Variants in NTM observed in about 807,000 individuals in gnomAD.
The protein encoded by NTM is neurotrimin.
NTM carries 13 observed loss-of-function variants against 42.1 expected under a neutral mutation model. The ratio of observed to expected loss-of-function variants is 0.31; its 90% CI spans 0.20 to 0.49. The LOEUF is 0.49. Among genes scored for constraint, NTM ranks in the 20% least tolerant of loss-of-function variants. The probability of loss-of-function intolerance (pLI) is 0.99; values close to 1 mark genes in which losing one functional copy is unlikely to be tolerated. For missense variants in NTM, 373 were observed against 452.8 expected, an observed-to-expected ratio of 0.82 and a Z score of 1.60; for synonymous variants, 187 against 179.2, an observed-to-expected ratio of 1.04 and a Z score of -0.35.
intron 3 of NTM, among the ~76,000 whole-genome samples, chr11:132,169,320 CTTTTTTTTTTTTTT>C (rs567723794): frequency 6.5e-4 from 21 of 32,358 alleles, no homozygotes; most frequent in South Asian, 2.2e-3. Flanking sequence ...AATTTTTTTA[CTTTTTTTTTTTTTT>C]TTTTTTTTTT....
At chr11:131,681,247 G>T (rs564395106) in intron 1 of NTM, among the ~76,000 whole-genome samples, 1 of 51,556 alleles carries the variant, frequency 1.9e-5, no homozygotes, top group African/African-American at 5.2e-5. Flanking sequence ...GTATGTGAGC[G>T]TGTGTTTCTG....
intron 4 of NTM, among the ~76,000 whole-genome samples, chr11:132,241,949 T>A (rs77205374): frequency 6.6e-6 from 1 of 152,134 alleles, no homozygotes; most frequent in Admixed American, 6.5e-5. Context: ...GTGTGCTGTG[T>A]TTTCTCTCCC....
intron 1 of NTM, among the ~76,000 whole-genome samples, chr11:131,444,203 C>CAAAAAAAA (rs71475757): frequency 3.0e-4 from 15 of 49,508 alleles, no homozygotes; most frequent in Non-Finnish European, 3.3e-4. Flanking sequence ...AGGTTAGAAC[C>CAAAAAAAA]AAAAAAAAAA....
At chr11:132,243,468 G>A (rs1370898584) in intron 4 of NTM, among the ~76,000 whole-genome samples, 1 of 152,164 alleles carries the variant, frequency 6.6e-6, no homozygotes. Flanking sequence ...AATTCTCTGT[G>A]GGGCTGGCCT....
At chr11:132,044,086 G>GTATGTGTGTATGTA (rs71067354) in intron 2 of NTM, among the ~76,000 whole-genome samples, 54 of 145,016 alleles carry the variant, frequency 3.7e-4, no homozygotes, top group African/African-American at 5.9e-4. Flanking sequence ...GTGTTTGTGT[G>GTATGTGTGTATGTA]TATGTGTGTA....
chr11:132,208,823 T>C (rs2082381311), intron 3 of NTM, among the ~76,000 whole-genome samples: 1 of 152,218 alleles, frequency 6.6e-6, no homozygotes, highest in Non-Finnish European at 1.5e-5. Flanking sequence ...TTTTTTATTT[T>C]ATTGCATGGC....
chr11:131,893,144 A>G (rs550327243), intron 1 of NTM, among the ~76,000 whole-genome samples: 38 of 152,328 alleles, frequency 2.5e-4, no homozygotes, highest in African/African-American at 8.7e-4. Flanking sequence ...GTTGGGTATT[A>G]GGGCTAGAAT....
rs372688389 is a variant in NTM, at chr11:131,520,935, C to T, written c.82+150047C>T. Among the ~76,000 whole-genome samples the T allele has an allele frequency of 2.8e-4, 43 of 152,118 alleles. 1 individual carries two copies. Among genetic ancestry groups the T allele is most frequent in the African/African-American group, 7.0e-4 (29 of 41,510 alleles). On this transcript the variant is annotated intron_variant, in intron 1 of 8. Transcript: ENST00000683400. Reference sequence around the variant, plus strand: ...AGAGCATGGCATCAGCATTGGCTTCCGTTGAGGTCTCAGGAAGCTTCCGAT... The same window carrying T: ...AGAGCATGGCATCAGCATTGGCTTCTGTTGAGGTCTCAGGAAGCTTCCGAT...
intron 1 of NTM, among the ~76,000 whole-genome samples, chr11:131,739,337 G>A (rs2080885140): frequency 6.6e-6 from 1 of 152,086 alleles, no homozygotes; most frequent in South Asian, 2.1e-4. Context: ...TCACGTATGA[G>A]TATTATAAGT....
At chr11:132,184,057 A>G (rs148111571) in intron 3 of NTM, among the ~76,000 whole-genome samples, 25 of 152,256 alleles carry the variant, frequency 1.6e-4, no homozygotes, top group African/African-American at 6.0e-4. Context: ...ACAAACTGGA[A>G]ACGATGAAAG....
chr11:131,586,822 G>A lies in NTM; in HGVS notation c.82+215934G>A, dbSNP rs1381349140. 2.0e-5 allele frequency among the ~76,000 whole-genome samples: 3 copies of A among 152,280 alleles called. No homozygotes were observed. The South Asian group carries it at 6.2e-4, about 32-fold the overall frequency. ...GAAAATGGACAAGCTTCAGCATGAA[G>A]AGACTGCTTTTTAAGTGTTTTCAAC... On this transcript the variant is annotated intron_variant, in intron 1 of 8. Transcript: ENST00000683400.
chr11:132,158,586 G>GGGA (rs2137559043), intron 3 of NTM, among the ~76,000 whole-genome samples: 1 of 152,334 alleles, frequency 6.6e-6, no homozygotes, highest in African/African-American at 2.4e-5. Context: ...CAAGTGCCTA[G>GGGA]AACAGGGTCT....
At chr11:132,214,757 GGC>G (rs2083495238) in intron 4 of NTM, among the ~76,000 whole-genome samples, 1 of 152,054 alleles carries the variant, frequency 6.6e-6, no homozygotes, top group East Asian at 1.9e-4. Context: ...CCTGAGCCTG[GGC>G]CAGGTGTCCC....
At position 132,072,261 on chromosome 11, in the gene NTM, T is replaced by C. The variant is rs540891012; in HGVS notation, c.168-74021T>C. ...TAACATCATTGCCTTTTGAATACCA[T>C]GTCTTGTAAACCCCAGGATATGACA... On this transcript the variant is annotated intron_variant, in intron 2 of 8. Coordinates refer to ENST00000683400, the MANE Select transcript of NTM (RefSeq NM_001352005.2). 3.3e-5 allele frequency among the ~76,000 whole-genome samples: 5 copies of C among 152,314 alleles called. No homozygotes were observed. The South Asian group carries it at 1.0e-3, about 32-fold the overall frequency.
At chr11:131,771,422 T>G (rs2086080304) in intron 1 of NTM, 1 of 152,178 alleles carries the variant, frequency 6.6e-6, no homozygotes, top group African/African-American at 2.4e-5. Flanking sequence ...AATACCACAA[T>G]CTATTCAGGT....
At chr11:131,734,858 A>T (rs2080207708) in intron 1 of NTM, among the ~76,000 whole-genome samples, 1 of 152,204 alleles carries the variant, frequency 6.6e-6, no homozygotes, top group Non-Finnish European at 1.5e-5. Context: ...CAGACAATTA[A>T]AATCCAGTAA....
At chr11:132,242,143 C>T (rs1397707897) in intron 4 of NTM, among the ~76,000 whole-genome samples, 1 of 152,228 alleles carries the variant, frequency 6.6e-6, no homozygotes, top group Non-Finnish European at 1.5e-5. Flanking sequence ...CTTCAGTAGG[C>T]CTCTCAGTCC....
At chr11:131,423,176 G>A (rs192683549) in intron 1 of NTM, among the ~76,000 whole-genome samples, 7 of 152,284 alleles carry the variant, frequency 4.6e-5, no homozygotes, top group Admixed American at 2.6e-4. Flanking sequence ...AGCTTCAAAG[G>A]TGCTGCTTTG....
chr11:132,145,657 G>C lies in NTM; in HGVS notation c.168-625G>C, dbSNP rs2070224118. Among the ~76,000 whole-genome samples, 3 of 152,182 alleles carry C rather than the reference G, an allele frequency of 2.0e-5. No individual in the cohort carries two copies. In the South Asian group the frequency reaches 6.2e-4, roughly 31 times the overall value. ...GTCTAGCAGTTAACCGAACATTTCT[G>C]CCCCTGGGTATAATGAAGATGAATA... On this transcript the variant is annotated intron_variant, in intron 2 of 8. Transcript: ENST00000683400.
Sources: allele counts gnomAD v4.1 joint callset (sites outside exome capture counted in the v4.1 genomes callset), GRCh38; gene constraint gnomAD v4.1.1; transcripts MANE v1.5; gene names NCBI Gene and HGNC (gene_info 2026-07-23, HGNC 2026-07-21).